Variants in CBLC observed in about 807,000 individuals in gnomAD.
CBLC encodes Cbl proto-oncogene C.
CBLC carries 46 observed loss-of-function variants against 58.6 expected under a neutral mutation model. The ratio of observed to expected loss-of-function variants is 0.79; its 90% CI spans 0.62 to 1.00. The LOEUF is 1.00. Among genes scored for constraint, CBLC ranks in the 50% least tolerant of loss-of-function variants. The pLI, the probability that CBLC is intolerant of heterozygous loss-of-function variation, is 0.00. For synonymous variants in CBLC, 271 were observed against 264.2 expected (o/e 1.03, Z -0.25); for missense variants, 655 against 625.8 (o/e 1.05, Z -0.50).
chr19:44,781,159 G>A (rs1168165405), intron 2 of CBLC, 48 bp from the exon 3 acceptor site: 1 of 1,579,272 alleles, frequency 6.3e-7, no homozygotes, highest in African/African-American at 1.3e-5. Flanking sequence ...TCCCATCATA[G>A]GCTCTGGGAG....
intron 5 of CBLC, among the ~76,000 whole-genome samples, chr19:44,784,969 T>G (rs996172351): frequency 3.6e-4 from 42 of 115,544 alleles, no homozygotes; most frequent in Admixed American, 1.5e-3. Flanking sequence ...TTTTTTTTTT[T>G]TTTTTTTTTT....
At chr19:44,787,349 G>A (rs533676941) in intron 5 of CBLC, among the ~76,000 whole-genome samples, 2 of 151,470 alleles carry the variant, frequency 1.3e-5, no homozygotes. Context: ...AGCCGAGATC[G>A]CGCCACTGTA....
chr19:44,789,603 C>T (rs1003991169), intron 5 of CBLC, among the ~76,000 whole-genome samples: 5 of 152,172 alleles, frequency 3.3e-5, no homozygotes, highest in African/African-American at 9.7e-5. Flanking sequence ...GTTAGCCAAG[C>T]TGGTCTTGAA....
chr19:44,794,361 G>T (rs1968135281), intron 9 of CBLC, 80 bp downstream of exon 9: 2 of 1,372,502 alleles, frequency 1.5e-6, no homozygotes, highest in Admixed American at 3.5e-5. Context: ...TGCACTCAGG[G>T]GTGCCAGGGC....
At chr19:44,795,472 A>G (rs1968159619) in intron 9 of CBLC, among the ~76,000 whole-genome samples, 1 of 151,948 alleles carries the variant, frequency 6.6e-6, no homozygotes, top group Admixed American at 6.6e-5. Context: ...AGGCGTGATC[A>G]CACCACTGCA....
Position 44,790,110 on chromosome 19 carries a change from C to T in CBLC, c.1005+19C>T. 3 of 1,593,646 alleles carry T rather than the reference C, an allele frequency of 1.9e-6. No homozygotes were observed. The highest frequency in any genetic ancestry group is 1.1e-5 in the South Asian group (1 of 90,666). Reference sequence around the variant, plus strand: ...GTCAGAGGTGAGACCCGCACCTGCACCCGCAGTCCCAGTTCCCTGACCCTG... The same window carrying T: ...GTCAGAGGTGAGACCCGCACCTGCATCCGCAGTCCCAGTTCCCTGACCCTG... On this transcript the variant is annotated intron_variant, in intron 6 of 10. Transcript: ENST00000647358.
intron 9 of CBLC, among the ~76,000 whole-genome samples, chr19:44,795,634 T>TA (rs113434151): frequency 6.0e-4 from 87 of 144,694 alleles, no homozygotes; most frequent in East Asian, 4.4e-3. Context: ...CCCCGTTCTC[T>TA]AAAAAAAAAA....
chr19:44,788,386 AGAG>A (rs1207929415), intron 5 of CBLC, among the ~76,000 whole-genome samples: 2 of 151,476 alleles, frequency 1.3e-5, no homozygotes, highest in Admixed American at 6.6e-5. Flanking sequence ...TCAGCCTCTC[AGAG>A]TGCTGGGATT....
chr19:44,798,331 G>A (rs1968220730), intron 9 of CBLC, among the ~76,000 whole-genome samples: 1 of 152,012 alleles, frequency 6.6e-6, no homozygotes, highest in African/African-American at 2.4e-5. Flanking sequence ...TAGCCACTTC[G>A]TCTAGCCTCC....
chr19:44,781,089 C>T, intron 2 of CBLC, 38 bp downstream of exon 2: 1 of 1,595,050 alleles, frequency 6.3e-7, no homozygotes, highest in Non-Finnish European at 8.5e-7. Flanking sequence ...GGAGCCCCAT[C>T]CTGCCCTGGC....
At chr19:44,793,879 G>A (rs1389219801) in intron 8 of CBLC, among the ~76,000 whole-genome samples, 2 of 151,834 alleles carry the variant, frequency 1.3e-5, no homozygotes, top group African/African-American at 2.4e-5. Flanking sequence ...CTGGACTCCT[G>A]GGTCTGAGGG....
chr19:44,778,141 C>A lies in CBLC; in HGVS notation c.210C>A (p.Pro70=). ...GGCGGGCGGCCGGCGGAGGCGGCCC[C>A]GGGGGTCCCGGCGGCTCTGGGGACT... The part of the protein sequence containing the change: ...HSRRAAGGGG[P]GGPGGSGDFL... The change falls in exon 1 of 11, where the codon CCC becomes CCA. Residue 70 remains proline (P), a synonymous_variant. Transcript: ENST00000647358. 1 of 1,588,722 alleles carries A rather than the reference C, an allele frequency of 6.3e-7. No homozygotes were observed.
chr19:44,783,915 G>C (rs561331796), intron 4 of CBLC, among the ~76,000 whole-genome samples: 1 of 152,296 alleles, frequency 6.6e-6, no homozygotes, highest in Admixed American at 6.5e-5. Context: ...GGGGCACCTT[G>C]CTCTGACACT....
intron 5 of CBLC, among the ~76,000 whole-genome samples, chr19:44,788,313 A>G (rs753791483): frequency 1.3e-5 from 2 of 150,270 alleles, no homozygotes; most frequent in African/African-American, 2.5e-5. Context: ...TTTTTTAGAC[A>G]TAGTGTCTTT....
In CBLC at chr19:44,780,620, G is replaced by C. The variant is rs532458388; in HGVS notation, c.354-285G>C. Among the ~76,000 whole-genome samples the C allele has an allele frequency of 1.5e-3, 221 of 150,708 alleles. 1 individual carries two copies. Among genetic ancestry groups the C allele is most frequent in the East Asian group, 0.013 (66 of 5,096 alleles). On this transcript the variant is annotated intron_variant, in intron 1 of 10. Coordinates refer to ENST00000647358, the MANE Select transcript of CBLC (RefSeq NM_012116.4). ...CCTGAGTAGCTGGGATTATAGGCGG[G>C]CGCCACCACGCCAGGCTAATTTTTG...
intron 9 of CBLC, 96 bp downstream of exon 9, chr19:44,794,377 C>A: frequency 8.9e-7 from 1 of 1,128,370 alleles, no homozygotes; most frequent in Non-Finnish European, 1.3e-6. Flanking sequence ...AGGGCAGGGA[C>A]TCATCCTTGG....
rs766093151 is a variant in CBLC, at chr19:44,781,040, T to C, written c.489T>C (p.Ser163=). 2 of 1,612,494 alleles carry C rather than the reference T, an allele frequency of 1.2e-6. No homozygotes were observed. Among genetic ancestry groups the C allele is most frequent in the East Asian group, 4.5e-5 (2 of 44,866 alleles). Residue 163 remains serine (S), a synonymous_variant, in exon 2 of 11, where the codon AGT becomes AGC. Transcript: ENST00000647358. ...CCGCCCACACCTTCTGGAGGGAAAGTTGCGGAGCCCGGTGAGTAAGCCCTT... is the reference window on the plus strand; with the variant it reads ...CCGCCCACACCTTCTGGAGGGAAAGCTGCGGAGCCCGGTGAGTAAGCCCTT... ...KAPAHTFWRE[S]CGARCVLPWA...
intron 6 of CBLC, among the ~76,000 whole-genome samples, chr19:44,790,473 T>C (rs564984554): frequency 1.3e-5 from 2 of 152,230 alleles, no homozygotes; most frequent in East Asian, 3.9e-4. Flanking sequence ...ATCTCTTCTG[T>C]CGCCCAGGCT....
chr19:44,792,279 C>A, intron 6 of CBLC, 104 bp from the exon 7 acceptor site: 1 of 1,327,676 alleles, frequency 7.5e-7, no homozygotes, highest in Non-Finnish European at 1.1e-6. Flanking sequence ...AGGCGTGAGC[C>A]ACCACAACCA....
Sources: gnomAD v4.1 joint callset for allele counts (sites outside exome capture counted in the v4.1 genomes callset) on GRCh38, gnomAD v4.1.1 for gene constraint, MANE v1.5 for transcripts, NCBI Gene and HGNC (gene_info 2026-07-23, HGNC 2026-07-21) for gene names.